NUP205: variants seen among roughly 807,000 people sequenced by gnomAD.
The protein encoded by NUP205 is nuclear pore complex protein Nup205.
NUP205 carries 76 observed loss-of-function variants against 253.8 expected under a neutral mutation model. That is an observed-to-expected ratio of 0.30 (90% CI 0.25 to 0.36). The LOEUF is 0.36. Ranked by LOEUF, NUP205 falls within the 10% of genes least tolerant of loss-of-function variation. The pLI is 1.00. For missense variants in NUP205, 2,162 were observed against 2,425.5 expected (o/e 0.89, Z 2.28); for synonymous variants, 832 against 850.1 (o/e 0.98, Z 0.37).
intron 13 of NUP205, among the ~76,000 whole-genome samples, chr7:135,594,934 C>T (rs1182721080): frequency 6.6e-6 from 1 of 152,080 alleles, no homozygotes; most frequent in Non-Finnish European, 1.5e-5. Context: ...CACTAGGTTA[C>T]CAGAGATTGG....
chr7:135,575,879 C>T (rs73725136), intron 3 of NUP205, among the ~76,000 whole-genome samples: 5,608 of 152,014 alleles, frequency 0.037, 134 homozygotes, highest in Middle Eastern at 0.11. Flanking sequence ...GAGAAGATTC[C>T]GAGGGAAGAA....
intron 20 of NUP205, 106 bp from the exon 21 acceptor site, chr7:135,606,645 C>T (rs1006989433): frequency 1.0e-5 from 8 of 801,642 alleles, no homozygotes; most frequent in East Asian, 2.5e-5. Context: ...ATCAGGCAAA[C>T]GATCTAAAGA....
chr7:135,622,695 C>G, intron 30 of NUP205, 82 bp from the exon 31 acceptor site: 1 of 1,218,156 alleles, frequency 8.2e-7, no homozygotes, highest in Non-Finnish European at 1.1e-6. Context: ...TTCCTTAGCT[C>G]ATACCTAGCA....
chr7:135,631,756 C>CTT lies in NUP205; in HGVS notation c.5059+1296_5059+1297dup, dbSNP rs58118999. Reference sequence around the variant, plus strand: ...TTTTTTTTTCTTTCTTTCTTTCTTTCTTTTTTTTTTTGAGACGGAGTCTTG... The same window carrying CTT: ...TTTTTTTTTCTTTCTTTCTTTCTTTCTTTTTTTTTTTTTGAGACGGAGTCTTG... On this transcript the variant is annotated intron_variant, in intron 35 of 42. Coordinates refer to ENST00000285968, the MANE Select transcript of NUP205 (RefSeq NM_015135.3). Among the ~76,000 whole-genome samples the CTT allele has an allele frequency of 5.9e-3, 829 of 141,286 alleles. 4 individuals carry two copies. Among genetic ancestry groups the CTT allele is most frequent in the Non-Finnish European group, 9.2e-3 (605 of 65,776 alleles). 92.7% of individuals were successfully genotyped at this position (141,286 alleles called of 152,430 possible). A position where few individuals can be genotyped will look rare whatever the true frequency, so the allele number is the denominator to read the frequency against.
intron 25 of NUP205, among the ~76,000 whole-genome samples, 166 bp from the exon 26 acceptor site, chr7:135,616,924 G>A (rs1012465361): frequency 1.1e-4 from 16 of 152,100 alleles, no homozygotes; most frequent in Admixed American, 9.8e-4. Flanking sequence ...GTTAATGGAT[G>A]TATCAGAAAT....
At chr7:135,645,431 A>AT (rs752877197) in intron 40 of NUP205, 37 bp from the exon 41 acceptor site, 51 of 1,596,546 alleles carry the variant, frequency 3.2e-5, no homozygotes, top group Non-Finnish European at 4.4e-5. Flanking sequence ...AACATATTTG[A>AT]TGAGATTATG....
intron 31 of NUP205, among the ~76,000 whole-genome samples, chr7:135,623,209 G>A (rs912922792): frequency 6.6e-6 from 1 of 152,150 alleles, no homozygotes; most frequent in African/African-American, 2.4e-5. Flanking sequence ...AGCCCAGGAG[G>A]CAGAGGTTGC....
In NUP205 at chr7:135,646,098, T is replaced by G. The variant is rs1795003417; in HGVS notation, c.5813-60T>G. On this transcript the variant is annotated intron_variant, in intron 41 of 42. Coordinates refer to ENST00000285968, the MANE Select transcript of NUP205 (RefSeq NM_015135.3). ...TTATTATTCATTGTCATCAGGTTCC[T>G]CCACTGTGTGGTAGATAGGTACTTG... 6 of 1,050,980 alleles carry G rather than the reference T, an allele frequency of 5.7e-6. No homozygotes were observed. The South Asian group carries it at 6.3e-5, about 11-fold the overall frequency. The allele number at this position is 1,050,980 out of a possible 1,614,324, so 65.1% of individuals were successfully genotyped here.
intron 31 of NUP205, among the ~76,000 whole-genome samples, chr7:135,623,381 A>G (rs1181445849): frequency 6.6e-6 from 1 of 152,236 alleles, no homozygotes; most frequent in Non-Finnish European, 1.5e-5. Context: ...ATTTGCTATA[A>G]TTTGAGACTT....
intron 6 of NUP205, among the ~76,000 whole-genome samples, chr7:135,578,318 A>G (rs568804797): frequency 8.1e-4 from 123 of 152,310 alleles, no homozygotes; most frequent in African/African-American, 2.8e-3. Context: ...TTTACCATTC[A>G]TTTACATTTT....
chr7:135,594,578 A>G lies in NUP205; in HGVS notation c.1862A>G (p.His621Arg). ...SENARLALCE[H>R]PQWTPVVVIL... is the part of the protein sequence containing the mutation. ...AATGCTCGCTTGGCACTCTGTGAAC[A>G]CCCTCAGTGGACCCCTGTTGTGGTG... Residue 621 changes from histidine to arginine, a missense_variant, in exon 13 of 43, where the codon CAC becomes CGC. His to Arg is a conservative substitution (Grantham distance 29). Transcript: ENST00000285968. 1 of 1,609,500 alleles carries G rather than the reference A, an allele frequency of 6.2e-7. No homozygotes were observed. Among genetic ancestry groups the G allele is most frequent in the Non-Finnish European group, 8.5e-7 (1 of 1,178,426 alleles).
At chr7:135,643,874 C>T (rs2129492647) in intron 39 of NUP205, among the ~76,000 whole-genome samples, 1 of 152,324 alleles carries the variant, frequency 6.6e-6, no homozygotes, top group East Asian at 1.9e-4. Flanking sequence ...TTCCATTTGG[C>T]ACAGCTGAAT....
At chr7:135,605,175 C>T (rs1329323605) in intron 19 of NUP205, among the ~76,000 whole-genome samples, 1 of 152,106 alleles carries the variant, frequency 6.6e-6, no homozygotes, top group Non-Finnish European at 1.5e-5. Context: ...CAGGTGCATG[C>T]CACCACGCCC....
intron 7 of NUP205, among the ~76,000 whole-genome samples, chr7:135,582,414 G>A (rs936458156): frequency 6.6e-6 from 1 of 152,146 alleles, no homozygotes; most frequent in Non-Finnish European, 1.5e-5. Context: ...TTTAGTAATT[G>A]TTATTACTAG....
chr7:135,631,313 A>G (rs1007741403), intron 35 of NUP205, among the ~76,000 whole-genome samples: 4 of 152,236 alleles, frequency 2.6e-5, no homozygotes, highest in African/African-American at 7.2e-5. Context: ...ATTGAAGAGA[A>G]ACGAAAGGAA....
At chr7:135,617,304 A>C (rs1794383482) in intron 26 of NUP205, 57 bp downstream of exon 26, 2 of 1,489,674 alleles carry the variant, frequency 1.3e-6, no homozygotes, top group Non-Finnish European at 1.8e-6. Flanking sequence ...ACTTTAAGTC[A>C]TCAGAAACAA....
intron 1 of NUP205, among the ~76,000 whole-genome samples, chr7:135,559,431 C>T (rs11760731): frequency 0.22 from 33,762 of 151,572 alleles, 4,343 homozygotes; most frequent in East Asian, 0.5. Flanking sequence ...TGATGCGATC[C>T]GCGATCCTGG....
intron 31 of NUP205, among the ~76,000 whole-genome samples, chr7:135,624,405 C>T (rs1008535806): frequency 6.6e-6 from 1 of 151,846 alleles, no homozygotes. Context: ...GAGACAGAGT[C>T]TCGCTTTGTC....
rs189070300 is a variant in NUP205, at chr7:135,564,466, G to A, written c.28+6494G>A. Among the ~76,000 whole-genome samples, 4 of 151,800 alleles carry A rather than the reference G, an allele frequency of 2.6e-5. No homozygotes were observed. The East Asian group carries it at 7.8e-4, about 29-fold the overall frequency. ...GGGTTTCACCATGTTGGCCATGCTG[G>A]TCTTGAACTCCTGACCTTGTGATCT... is the stretch of plus-strand genomic sequence containing the variant. On this transcript the variant is annotated intron_variant, in intron 1 of 42. Coordinates refer to ENST00000285968, the MANE Select transcript of NUP205 (RefSeq NM_015135.3).
Sources: gnomAD v4.1 joint callset for allele counts (sites outside exome capture counted in the v4.1 genomes callset) on GRCh38, gnomAD v4.1.1 for gene constraint, MANE v1.5 for transcripts, NCBI Gene and HGNC (gene_info 2026-07-23, HGNC 2026-07-21) for gene names.